RNF166: variants seen among roughly 807,000 people sequenced by gnomAD.
The protein encoded by RNF166 is ring finger protein 166, also known as E3 ubiquitin-protein ligase RNF166.
In RNF166, 19 loss-of-function variants were observed where a neutral mutation model predicts 29.4. The ratio of observed to expected loss-of-function variants is 0.65; its 90% confidence interval spans 0.45 to 0.95. The LOEUF (loss-of-function observed/expected upper bound fraction) is 0.95, where lower values mean the gene tolerates loss of function less well. RNF166 is among the 40% of genes least tolerant of loss of function. The pLI, the probability that RNF166 is intolerant of heterozygous loss-of-function variation, is 0.00. For missense variants in RNF166, 347 were observed against 322.1 expected, an observed-to-expected ratio of 1.08 and a Z score of -0.59; for synonymous variants, 171 against 134.5, an observed-to-expected ratio of 1.27 and a Z score of -1.88.
intron 1 of RNF166, among the ~76,000 whole-genome samples, chr16:88,705,849 G>A (rs1190167360): frequency 6.6e-6 from 1 of 152,226 alleles, no homozygotes; most frequent in Admixed American, 6.5e-5. Context: ...GGCACCTGCT[G>A]CCCTCTGAGT....
chr16:88,697,342 C>G lies in RNF166; in HGVS notation c.*226G>C, dbSNP rs1035380891. 4.5e-6 allele frequency: 2 copies of G among 445,400 alleles called. No homozygotes were observed. The highest frequency in any genetic ancestry group is 2.1e-5 in the African/African-American group (1 of 48,584). 27.6% of individuals were successfully genotyped at this position (445,400 alleles called of 1,614,324 possible). A position where few individuals can be genotyped will look rare whatever the true frequency, so the allele number is the denominator to read the frequency against. On this transcript the variant is annotated 3_prime_UTR_variant, in exon 6 of 6. Coordinates refer to ENST00000312838, the MANE Select transcript of RNF166 (RefSeq NM_178841.4). ...AGGCCGCCTGCTCGGCCAGAAGCAC[C>G]GAAGAACCCAGCGACGCCGGTGGGA... is the stretch of plus-strand genomic sequence containing the variant.
intron 1 of RNF166, chr16:88,703,940 G>T (rs1211645803): frequency 2.0e-6 from 2 of 985,346 alleles, no homozygotes; most frequent in Non-Finnish European, 2.4e-6. Context: ...TTCCAGGCAG[G>T]TTCGTGATCA....
In RNF166 at chr16:88,699,090, C is replaced by G; in HGVS notation, c.426-5G>C. 1.3e-6 allele frequency: 2 copies of G among 1,591,996 alleles called. No homozygotes were observed. The highest frequency in any genetic ancestry group is 1.7e-6 in the Non-Finnish European group (2 of 1,166,474). ...GTGGACCTGTTGGGGATGTTGCTGG[C>G]GGGGCGGGGGTAGAGTGAGTGGCAC... On this transcript the variant is annotated splice_polypyrimidine_tract_variant and splice_region_variant and intron_variant, in intron 3 of 5. Coordinates refer to ENST00000312838, the MANE Select transcript of RNF166 (RefSeq NM_178841.4).
chr16:88,698,382 C>G (rs542892329), intron 5 of RNF166, 120 bp downstream of exon 5: 170 of 826,876 alleles, frequency 2.1e-4, no homozygotes, highest in Middle Eastern at 1.1e-3. Flanking sequence ...CCACCTGAAA[C>G]GAGGCTTCTG....
At position 88,701,257 on chromosome 16, in the gene RNF166, G is replaced by C. The variant is rs1910196926; in HGVS notation, c.312+5C>G. On this transcript the variant is annotated splice_donor_5th_base_variant and intron_variant, in intron 2 of 5. Transcript: ENST00000312838. ...GGCTCCAGGGCGGCCCAAGCAGGCGGGTACCTTTTTGTTGCAGCCTCGACA... is the reference window on the plus strand; with the variant it reads ...GGCTCCAGGGCGGCCCAAGCAGGCGCGTACCTTTTTGTTGCAGCCTCGACA... The C allele has an allele frequency of 9.9e-6, 16 of 1,613,450 alleles. No homozygotes were observed. The highest frequency in any genetic ancestry group is 1.4e-5 in the Non-Finnish European group (16 of 1,179,918).
intron 1 of RNF166, chr16:88,704,261 G>C (rs1009034973): frequency 1.0e-6 from 1 of 985,334 alleles, no homozygotes; most frequent in Non-Finnish European, 1.2e-6. Flanking sequence ...AAGAAACAAA[G>C]TTAGAAGCAG....
chr16:88,704,075 A>C lies in RNF166; in HGVS notation c.155+2096T>G, dbSNP rs535267646. Reference sequence around the variant, plus strand: ...CTGCGCGAGGGCTAGAGCAGGGTGCATGCCCCCACACTGGGATACTCTTGC... The same window carrying C: ...CTGCGCGAGGGCTAGAGCAGGGTGCCTGCCCCCACACTGGGATACTCTTGC... On this transcript the variant is annotated intron_variant, in intron 1 of 5. Transcript: ENST00000312838. The C allele has an allele frequency of 8.1e-6, 8 of 985,454 alleles. No homozygotes were observed. In the South Asian group the frequency reaches 2.3e-4, roughly 29 times the overall value. The allele number at this position is 985,454 out of a possible 1,614,324, so 61.0% of individuals were successfully genotyped here.
intron 1 of RNF166, chr16:88,702,996 G>C: frequency 1.0e-6 from 1 of 985,610 alleles, no homozygotes; most frequent in Non-Finnish European, 1.2e-6. Flanking sequence ...CGGATGAAGA[G>C]ACGGCGTGGC....
chr16:88,700,682 C>G, intron 2 of RNF166: 1 of 987,748 alleles, frequency 1.0e-6, no homozygotes, highest in Non-Finnish European at 1.2e-6. Flanking sequence ...CCTCTCCACC[C>G]TGAAGCGGAT....
At chr16:88,698,462 AGGAGGGCGTGGG>A in intron 5 of RNF166, 28 bp downstream of exon 5, 1 of 1,462,150 alleles carries the variant, frequency 6.8e-7, no homozygotes. Flanking sequence ...AGGGTGGATG[AGGAGGGCGTGGG>A]GGAGGACGGT....
At chr16:88,703,452 C>T (rs1910469813) in intron 1 of RNF166, 1 of 985,454 alleles carries the variant, frequency 1.0e-6, no homozygotes. Flanking sequence ...GCCTCGTCCT[C>T]CCCGGAAGGA....
At chr16:88,699,976 G>C (rs1910047086) in intron 2 of RNF166, 1 of 386,026 alleles carries the variant, frequency 2.6e-6, no homozygotes, top group Admixed American at 4.4e-5. Flanking sequence ...GGCTGGAGAA[G>C]GGTAGCGGGA....
intron 1 of RNF166, among the ~76,000 whole-genome samples, chr16:88,704,737 C>T (rs1333990517): frequency 2.0e-5 from 3 of 152,212 alleles, no homozygotes; most frequent in Admixed American, 2.0e-4. Flanking sequence ...CGCCTGTCAT[C>T]CCAGCACTTT....
At chr16:88,703,621 G>A in intron 1 of RNF166, 1 of 985,522 alleles carries the variant, frequency 1.0e-6, no homozygotes. Flanking sequence ...CGGGAGTAGT[G>A]CCCGCTTCCC....
Position 88,706,266 on chromosome 16 carries a change from C to T in RNF166, c.60G>A (p.Pro20=). The T allele has an allele frequency of 7.7e-7, 1 of 1,299,654 alleles. No individual in the cohort carries two copies. The highest frequency in any genetic ancestry group is 1.9e-5 in the South Asian group (1 of 51,948). The allele number at this position is 1,299,654 out of a possible 1,614,324, so 80.5% of individuals were successfully genotyped here. The change falls in exon 1 of 6, where the codon CCG becomes CCA. Residue 20 remains proline (P), a synonymous_variant. Transcript: ENST00000312838. The stretch of plus-strand genomic sequence containing the variant: ...CCTCCAGGCCGCTGTCGCCGCCCGC[C>T]GGCCCGGCCGGCGGCTGCCGCTGCT... The part of the protein sequence containing the change: ...SAQQRQPPAG[P]AGGDSGLEAQ...
chr16:88,698,973 C>T lies in RNF166; in HGVS notation c.538G>A (p.Val180Met), dbSNP rs772900256. ...CGCTTGGGGCAGGCACTGCTCACCA[C>T]GCGGTTGGGGTCGCTGCGGTGGCTT... Reference protein sequence around the residue: ...VESHRSDPNRVVCPICSAMPW... With the variant: ...VESHRSDPNRMVCPICSAMPW... The change falls in exon 4 of 6, where the codon GTG becomes ATG. Residue 180 changes from valine (V) to methionine (M), a missense_variant and splice_region_variant. Transcript: ENST00000312838. 5 of 1,586,708 alleles carry T rather than the reference C, an allele frequency of 3.2e-6. No individual in the cohort carries two copies. The highest frequency in any genetic ancestry group is 1.3e-5 in the African/African-American group (1 of 74,710).
intron 1 of RNF166, among the ~76,000 whole-genome samples, chr16:88,701,933 GCA>G (rs1352642388): frequency 1.3e-5 from 2 of 152,256 alleles, no homozygotes; most frequent in Non-Finnish European, 2.9e-5. Flanking sequence ...CCAAGTGGCA[GCA>G]CATCCTGAGG....
At chr16:88,703,922 C>T in intron 1 of RNF166, 1 of 985,460 alleles carries the variant, frequency 1.0e-6, no homozygotes, top group Non-Finnish European at 1.2e-6. Flanking sequence ...AGGCTGCTCA[C>T]ACAGCCCTTC....
chr16:88,705,956 G>A (rs946856886), intron 1 of RNF166, among the ~76,000 whole-genome samples: 2 of 152,088 alleles, frequency 1.3e-5, no homozygotes, highest in East Asian at 1.9e-4. Context: ...GGCGCCTGCG[G>A]CTGGCGCGAA....
Sources: gnomAD v4.1 joint callset for allele counts (sites outside exome capture counted in the v4.1 genomes callset) on GRCh38, gnomAD v4.1.1 for gene constraint, MANE v1.5 for transcripts, NCBI Gene and HGNC (gene_info 2026-07-23, HGNC 2026-07-21) for gene names.